Variants in BDH1 observed in about 807,000 individuals in gnomAD.
BDH1 encodes the protein D-beta-hydroxybutyrate dehydrogenase, mitochondrial.
Under a neutral mutation model 33.1 loss-of-function variants are expected in BDH1, and 30 were observed. That is an observed-to-expected ratio of 0.91 (90% CI 0.68 to 1.23). The LOEUF is 1.23. Among genes scored for constraint, BDH1 ranks in the 50% most tolerant of loss-of-function variants. The pLI, the probability that BDH1 is intolerant of heterozygous loss-of-function variation, is 0.00. For synonymous variants in BDH1, 190 were observed against 183.6 expected (o/e 1.03, Z -0.28); for missense variants, 443 against 464.4 (o/e 0.95, Z 0.42).
At chr3:197,567,888 A>G (rs1368750825) in intron 1 of BDH1, among the ~76,000 whole-genome samples, 1 of 152,236 alleles carries the variant, frequency 6.6e-6, no homozygotes, top group Non-Finnish European at 1.5e-5. Flanking sequence ...AAGAGGTAGT[A>G]TCCTGAAAGA....
intron 2 of BDH1, among the ~76,000 whole-genome samples, chr3:197,553,210 G>C (rs1434720838): frequency 6.7e-6 from 1 of 149,734 alleles, no homozygotes; most frequent in Admixed American, 6.7e-5. Context: ...GTGCCACCAC[G>C]CCTGGCTGGT....
rs117896429 is a variant in BDH1, at chr3:197,536,991, T to C, written c.84-3430A>G. On this transcript the variant is annotated intron_variant, in intron 3 of 7. Coordinates refer to ENST00000392379, the MANE Select transcript of BDH1 (RefSeq NM_203314.3). ...TTTTGTTTTGTTTTATTTTATTTCA[T>C]TTTATTTTATTTTTTGAGACAGGGT... is the stretch of plus-strand genomic sequence containing the variant. Among the ~76,000 whole-genome samples, 310 of 152,348 alleles carry C rather than the reference T, an allele frequency of 2.0e-3. 2 individuals are homozygous for C. The East Asian group carries it at 0.025, about 12-fold the overall frequency.
In BDH1 at chr3:197,514,497, T is replaced by C. The variant is rs1201666999; in HGVS notation, c.410-81A>G. On this transcript the variant is annotated intron_variant, in intron 6 of 7. Transcript: ENST00000392379. The surrounding 1 kb of genome is among the most constrained non-coding windows in gnomAD (Gnocchi z 4.2). ...CCCATCAGCCTGCAGGCCAGCCTCC[T>C]CTCTGCTTCTTTCCTGTGACTTCCC... 7.0e-7 allele frequency: 1 copy of C among 1,433,710 alleles called. No homozygotes were observed. The highest frequency in any genetic ancestry group is 9.3e-7 in the Non-Finnish European group (1 of 1,069,556). The allele number at this position is 1,433,710 out of a possible 1,614,324, so 88.8% of individuals were successfully genotyped here.
At chr3:197,572,217 T>G (rs1342925394) in intron 1 of BDH1, among the ~76,000 whole-genome samples, 4 of 152,160 alleles carry the variant, frequency 2.6e-5, no homozygotes, top group Admixed American at 2.6e-4. Flanking sequence ...TACTGGGGAC[T>G]AAAGGAACTC....
At chr3:197,518,800 C>T (rs61652219) in intron 6 of BDH1, among the ~76,000 whole-genome samples, 1 of 38,392 alleles carries the variant, frequency 2.6e-5, no homozygotes, top group Non-Finnish European at 4.7e-5. Flanking sequence ...CAGGCCGACC[C>T]CCCCCATCAG....
Position 197,512,284 on chromosome 3 carries a change from C to A in BDH1, c.643G>T (p.Val215Leu). The A allele has an allele frequency of 6.2e-7, 1 of 1,612,816 alleles. No homozygotes were observed. Among genetic ancestry groups the A allele is most frequent in the Non-Finnish European group, 8.5e-7 (1 of 1,180,022 alleles). The change falls in exon 8 of 8, where the codon GTA becomes TTA. Residue 215 changes from valine to leucine, a missense_variant. Coordinates refer to ENST00000392379, the MANE Select transcript of BDH1 (RefSeq NM_203314.3). ...RSPYCITKFGVEAFSDCLRYE... is the reference protein window; with the variant it reads ...RSPYCITKFGLEAFSDCLRYE... ...CGCAGGCAGTCCGAGAAAGCCTCTACCCCGAACTTGGTGATGCAGTACGGG... is the reference window on the plus strand; with the variant it reads ...CGCAGGCAGTCCGAGAAAGCCTCTAACCCGAACTTGGTGATGCAGTACGGG...
chr3:197,548,883 A>G (rs924319770), intron 2 of BDH1, among the ~76,000 whole-genome samples: 1 of 133,858 alleles, frequency 7.5e-6, no homozygotes, highest in Admixed American at 7.1e-5. Context: ...AACAAAAAAA[A>G]CACAAAAAAC....
At position 197,510,168 on chromosome 3, in the gene BDH1, G is replaced by A. The variant is rs1711757397; in HGVS notation, c.*1727C>T. The A allele has an allele frequency of 6.6e-6, 1 of 152,458 alleles. No individual in the cohort carries two copies. Among genetic ancestry groups the A allele is most frequent in the African/African-American group, 2.4e-5 (1 of 41,598 alleles). 9.4% of individuals were successfully genotyped at this position (152,458 alleles called of 1,614,324 possible). A position where few individuals can be genotyped will look rare whatever the true frequency, so the allele number is the denominator to read the frequency against. ...CGGGCCCGGGCCAGCTGCTAGGAGA[G>A]CGAGAACACTGTTTCTGAAGGGTGC... On this transcript the variant is annotated 3_prime_UTR_variant, in exon 8 of 8. Coordinates refer to ENST00000392379, the MANE Select transcript of BDH1 (RefSeq NM_203314.3).
rs547837239 is a variant in BDH1 at position 197,526,876 on chromosome 3, C to T, written c.268-4095G>A. ...ACACATGGTAAGCCAAGAAGCTCTC[C>T]GGGGAGTTCAAGAACTTGGAGAAGT... On this transcript the variant is annotated intron_variant, in intron 5 of 7. Coordinates refer to ENST00000392379, the MANE Select transcript of BDH1 (RefSeq NM_203314.3). The surrounding 1 kb of genome is among the most constrained non-coding windows in gnomAD (Gnocchi z 4.7). Among the ~76,000 whole-genome samples, 1 of 152,308 alleles carries T rather than the reference C, an allele frequency of 6.6e-6. No individual in the cohort carries two copies. The highest frequency in any genetic ancestry group is 2.4e-5 in the African/African-American group (1 of 41,566).
rs534432759 is a variant in BDH1 at position 197,526,400 on chromosome 3, G to T, written c.268-3619C>A. ...ATTAGGGGCAAGACTGTAGTCGTCT[G>T]AGGCTGGCTAATGTCTGCTGTTGCT... On this transcript the variant is annotated intron_variant, in intron 5 of 7. Transcript: ENST00000392379. The surrounding 1 kb of genome is among the most constrained non-coding windows in gnomAD (Gnocchi z 4.7). 6.6e-6 allele frequency among the ~76,000 whole-genome samples: 1 copy of T among 152,234 alleles called. No individual in the cohort carries two copies. Among genetic ancestry groups the T allele is most frequent in the South Asian group, 2.1e-4 (1 of 4,838 alleles).
chr3:197,556,778 A>G (rs1293852702), upstream of BDH1, among the ~76,000 whole-genome samples: 3 of 152,258 alleles, frequency 2.0e-5, no homozygotes, highest in African/African-American at 7.2e-5. Flanking sequence ...GCCACAGATA[A>G]GGGTTTCCTC....
chr3:197,521,281 C>T lies in BDH1; in HGVS notation c.409+1359G>A, dbSNP rs1206230598. Among the ~76,000 whole-genome samples the T allele has an allele frequency of 1.3e-5, 2 of 152,132 alleles. No individual in the cohort carries two copies. Among genetic ancestry groups the T allele is most frequent in the Non-Finnish European group, 2.9e-5 (2 of 68,010 alleles). On this transcript the variant is annotated intron_variant, in intron 6 of 7. Coordinates refer to ENST00000392379, the MANE Select transcript of BDH1 (RefSeq NM_203314.3). The surrounding 1 kb of genome is among the most constrained non-coding windows in gnomAD (Gnocchi z 4.9). ...GCGGCCCGGCTCCAGGGAGCTCCAT[C>T]CCCCACTGCTGTATTCTACATGAAT...
At chr3:197,535,918 G>A (rs1202396107) in intron 3 of BDH1, among the ~76,000 whole-genome samples, 2 of 151,990 alleles carry the variant, frequency 1.3e-5, no homozygotes, top group Admixed American at 6.6e-5. Context: ...GGTGGCTCAC[G>A]CCTTTAAGTC....
At position 197,520,470 on chromosome 3, in the gene BDH1, C is replaced by G. The variant is rs188939423; in HGVS notation, c.409+2170G>C. On this transcript the variant is annotated intron_variant, in intron 6 of 7. Coordinates refer to ENST00000392379, the MANE Select transcript of BDH1 (RefSeq NM_203314.3). The surrounding 1 kb of genome is among the most constrained non-coding windows in gnomAD (Gnocchi z 6.0). ...TCCCCTCTGTGTGGGCCGGGGCCCACCCTGCCTTGTAGGTTAGGCTGCCTG... is the reference window on the plus strand; with the variant it reads ...TCCCCTCTGTGTGGGCCGGGGCCCAGCCTGCCTTGTAGGTTAGGCTGCCTG... 9.9e-5 allele frequency among the ~76,000 whole-genome samples: 15 copies of G among 152,246 alleles called. No individual in the cohort carries two copies. The highest frequency in any genetic ancestry group is 9.8e-4 in the Admixed American group (15 of 15,302).
intron 2 of BDH1, among the ~76,000 whole-genome samples, chr3:197,548,477 CA>C (rs771829046): frequency 3.9e-5 from 6 of 152,234 alleles, no homozygotes; most frequent in African/African-American, 7.2e-5. Flanking sequence ...TCCAAATAGA[CA>C]GCTGCTTTCC....
At chr3:197,530,497 A>G (rs1034307210) in intron 5 of BDH1, 1 of 151,424 alleles carries the variant, frequency 6.6e-6, no homozygotes, top group Non-Finnish European at 1.5e-5. Flanking sequence ...AATTTCTTGA[A>G]CCCGGGAGGT....
At chr3:197,547,924 C>G (rs1716223406) in intron 2 of BDH1, among the ~76,000 whole-genome samples, 1 of 152,260 alleles carries the variant, frequency 6.6e-6, no homozygotes, top group African/African-American at 2.4e-5. Context: ...ACAGGTTGCT[C>G]TCTGTAAGAT....
chr3:197,562,926 A>G (rs1366032282), intron 1 of BDH1, among the ~76,000 whole-genome samples: 1 of 152,190 alleles, frequency 6.6e-6, no homozygotes, highest in Non-Finnish European at 1.5e-5. Flanking sequence ...CCTAAGGTCA[A>G]CCTGCAAATT....
At chr3:197,553,126 C>T (rs1040053623) in intron 2 of BDH1, among the ~76,000 whole-genome samples, 1 of 151,350 alleles carries the variant, frequency 6.6e-6, no homozygotes, top group Non-Finnish European at 1.5e-5. Context: ...CCATGTTGGC[C>T]CGGCTGGTCT....
Sources: gnomAD v4.1 joint callset for allele counts (sites outside exome capture counted in the v4.1 genomes callset) on GRCh38, gnomAD v4.1.1 for gene constraint, Gnocchi (gnomAD v3.1) non-coding constraint, MANE v1.5 for transcripts, NCBI Gene and HGNC (gene_info 2026-07-23, HGNC 2026-07-21) for gene names.